Variants in SLC24A2 observed in about 807,000 individuals in gnomAD.
The protein encoded by SLC24A2 is solute carrier family 24 member 2, also known as sodium/potassium/calcium exchanger 2.
SLC24A2 carries 36 observed loss-of-function variants against 62.0 expected under a neutral mutation model. That is an observed-to-expected ratio of 0.58 (90% CI 0.44 to 0.77). The LOEUF is 0.77. Among genes scored for constraint, SLC24A2 ranks in the 30% least tolerant of loss-of-function variants. The pLI, the probability that SLC24A2 is intolerant of heterozygous loss-of-function variation, is 0.00. For missense variants in SLC24A2, 846 were observed against 817.9 expected, an observed-to-expected ratio of 1.03 and a Z score of -0.42; for synonymous variants, 358 against 294.0, an observed-to-expected ratio of 1.22 and a Z score of -2.23.
chr9:19,905,912 G>T, the SLC24A2 span, among the ~76,000 whole-genome samples: 1 of 152,136 alleles, frequency 6.6e-6, no homozygotes, highest in African/African-American at 2.4e-5. Context: ...ACATTAGACA[G>T]ATCAACGAGA....
chr9:19,922,236 T>C, the SLC24A2 span, among the ~76,000 whole-genome samples: 2 of 152,190 alleles, frequency 1.3e-5, no homozygotes, highest in African/African-American at 4.8e-5. Context: ...ATGAAATAGC[T>C]TCAGGGAATT....
At chr9:19,842,247 T>A in the SLC24A2 span, among the ~76,000 whole-genome samples, 3 of 152,270 alleles carry the variant, frequency 2.0e-5, no homozygotes, top group Admixed American at 6.5e-5. Flanking sequence ...CAGTATTGAG[T>A]CTGATCAATA....
chr9:20,009,048 A>G, the SLC24A2 span, among the ~76,000 whole-genome samples: 1 of 152,170 alleles, frequency 6.6e-6, no homozygotes, highest in Non-Finnish European at 1.5e-5. Context: ...CTCATTGAGC[A>G]TACTCCTCCT....
At chr9:19,967,512 G>A in the SLC24A2 span, 1 of 152,314 alleles carries the variant, frequency 6.6e-6, no homozygotes, top group East Asian at 1.9e-4. Context: ...TTATTCATTA[G>A]CATTCAGAGT....
intron 4 of SLC24A2, among the ~76,000 whole-genome samples, chr9:19,600,358 C>T (rs955421048): frequency 1.3e-5 from 2 of 152,188 alleles, no homozygotes; most frequent in African/African-American, 4.8e-5. Context: ...ATCACACTAG[C>T]CAAAAGAGTG....
At chr9:19,634,989 A>C (rs1818275432) in intron 2 of SLC24A2, among the ~76,000 whole-genome samples, 1 of 152,186 alleles carries the variant, frequency 6.6e-6, no homozygotes, top group Admixed American at 6.5e-5. Context: ...TCACCCTTAA[A>C]ATAAAAATTC....
chr9:20,074,551 AAGGC>A, the SLC24A2 span, among the ~76,000 whole-genome samples: 10 of 117,304 alleles, frequency 8.5e-5, no homozygotes, highest in African/African-American at 1.3e-4. Context: ...GGAAGAGAAG[AAGGC>A]AGGAAGGAAG....
chr9:20,019,127 A>C, the SLC24A2 span, among the ~76,000 whole-genome samples: 14 of 73,862 alleles, frequency 1.9e-4, no homozygotes, highest in East Asian at 1.6e-3. Context: ...GAAAGAAAGA[A>C]AGAAAGAAAG....
chr9:20,173,412 G>C, the SLC24A2 span, among the ~76,000 whole-genome samples: 4 of 151,998 alleles, frequency 2.6e-5, no homozygotes, highest in Non-Finnish European at 4.4e-5. Context: ...TTGATGATAT[G>C]ATTATATACC....
At chr9:20,064,431 C>G in the SLC24A2 span, among the ~76,000 whole-genome samples, 3 of 151,918 alleles carry the variant, frequency 2.0e-5, no homozygotes, top group East Asian at 5.8e-4. Flanking sequence ...TATAAATTTA[C>G]TTAAAATTAT....
chr9:19,543,579 A>G (rs963322240), intron 8 of SLC24A2, among the ~76,000 whole-genome samples: 2 of 152,058 alleles, frequency 1.3e-5, no homozygotes, highest in African/African-American at 4.8e-5. Flanking sequence ...AGTGCTATAA[A>G]TTTCCCTCTA....
chr9:20,150,701 C>G, the SLC24A2 span, among the ~76,000 whole-genome samples: 2 of 149,070 alleles, frequency 1.3e-5, no homozygotes, highest in East Asian at 3.9e-4. Context: ...TAATTGTATT[C>G]AGCTTTATGA....
the SLC24A2 span, among the ~76,000 whole-genome samples, chr9:20,236,788 G>C: frequency 1.3e-5 from 2 of 152,114 alleles, no homozygotes; most frequent in African/African-American, 4.8e-5. Flanking sequence ...GGGTGGAACT[G>C]TTTGCATAGT....
At chr9:19,648,244 A>G (rs1465608497) in intron 2 of SLC24A2, among the ~76,000 whole-genome samples, 3 of 152,198 alleles carry the variant, frequency 2.0e-5, no homozygotes, top group African/African-American at 7.2e-5. Flanking sequence ...CCAATTAATC[A>G]GTGGTACTGC....
chr9:19,564,297 G>A (rs1205704212), intron 7 of SLC24A2, among the ~76,000 whole-genome samples: 1 of 152,046 alleles, frequency 6.6e-6, no homozygotes, highest in African/African-American at 2.4e-5. Context: ...TCTTCACTTA[G>A]TGACATAAAA....
rs182854834 is a variant in SLC24A2, at chr9:19,549,828, A to G, written c.1479+309T>C. 5.4e-4 allele frequency among the ~76,000 whole-genome samples: 82 copies of G among 152,330 alleles called. 1 individual carries two copies. In the East Asian group the frequency reaches 0.015, roughly 28 times the overall value. On this transcript the variant is annotated intron_variant, in intron 8 of 10. Transcript: ENST00000341998. ...GATCGACAGGATCCAAGAAAAGACTAAAAGGATGGTTGTTTCACACCACTA... is the reference window on the plus strand; with the variant it reads ...GATCGACAGGATCCAAGAAAAGACTGAAAGGATGGTTGTTTCACACCACTA...
chr9:20,291,593 T>C, the SLC24A2 span, among the ~76,000 whole-genome samples: 2 of 152,190 alleles, frequency 1.3e-5, no homozygotes, highest in African/African-American at 4.8e-5. Flanking sequence ...GGCCAGCCCA[T>C]CTTCACCCTT....
chr9:19,836,151 A>G, the SLC24A2 span, among the ~76,000 whole-genome samples: 2 of 152,182 alleles, frequency 1.3e-5, no homozygotes. Context: ...ACACCCTAAC[A>G]TCACAATTAA....
At chr9:19,567,948 G>A (rs1033210295) in intron 7 of SLC24A2, among the ~76,000 whole-genome samples, 2 of 152,182 alleles carry the variant, frequency 1.3e-5, no homozygotes, top group African/African-American at 4.8e-5. Context: ...ACCTCTCGGA[G>A]ATGAGGTGAC....
Sources: allele counts gnomAD v4.1 joint callset (sites outside exome capture counted in the v4.1 genomes callset), GRCh38; gene constraint gnomAD v4.1.1; transcripts MANE v1.5; gene names NCBI Gene and HGNC (gene_info 2026-07-23, HGNC 2026-07-21).